Variants in NFASC observed in about 807,000 individuals in gnomAD.
NFASC encodes the protein neurofascin homolog.
Under a neutral mutation model 147.5 loss-of-function variants are expected in NFASC, and 43 were observed. The observed-to-expected ratio is 0.29, with a 90% CI of 0.23 to 0.38. NFASC has a LOEUF of 0.38. Ranked by LOEUF, NFASC falls within the 10% of genes least tolerant of loss-of-function variation. The probability of loss-of-function intolerance (pLI) is 1.00; values close to 1 mark genes in which losing one functional copy is unlikely to be tolerated. For synonymous variants in NFASC, 622 were observed against 665.5 expected (o/e 0.93, Z 1.01); for missense variants, 1,320 against 1,689.0 (o/e 0.78, Z 3.83).
intron 1 of NFASC, among the ~76,000 whole-genome samples, chr1:204,918,253 C>T (rs1200351879): frequency 6.6e-6 from 1 of 152,140 alleles, no homozygotes. Context: ...CTTTGTGGTA[C>T]ATCTATCTAA....
intron 8 of NFASC, among the ~76,000 whole-genome samples, chr1:204,958,241 C>A (rs2094513006): frequency 6.6e-6 from 1 of 152,160 alleles, no homozygotes; most frequent in African/African-American, 2.4e-5. Flanking sequence ...TTGATTATTT[C>A]TTTTATTTCT....
chr1:204,992,369 T>A (rs970997708), intron 24 of NFASC, among the ~76,000 whole-genome samples: 1 of 152,166 alleles, frequency 6.6e-6, no homozygotes, highest in Admixed American at 6.5e-5. Context: ...CCTCCTCGCC[T>A]TTGCTTATTC....
chr1:204,973,184 C>A, intron 11 of NFASC, 92 bp from the exon 12 acceptor site: 1 of 1,419,224 alleles, frequency 7.0e-7, no homozygotes. Context: ...CACAGCACCC[C>A]GCTTGTTCCT....
At chr1:204,906,080 T>C (rs181966250) in intron 1 of NFASC, among the ~76,000 whole-genome samples, 1 of 152,354 alleles carries the variant, frequency 6.6e-6, no homozygotes, top group East Asian at 1.9e-4. Context: ...CTCTTATTAA[T>C]CTGTGAATCT....
intron 3 of NFASC, chr1:204,945,003 A>G (rs1441513517): frequency 6.6e-6 from 1 of 152,176 alleles, no homozygotes; most frequent in East Asian, 1.9e-4. Context: ...ATTGTTTTCA[A>G]CTTTCCTGCA....
intron 25 of NFASC, chr1:204,999,213 G>C (rs940496120): frequency 4.0e-5 from 6 of 151,896 alleles, no homozygotes; most frequent in African/African-American, 1.5e-4. Flanking sequence ...GTGTTTCTCG[G>C]TGTTGATATT....
intron 1 of NFASC, among the ~76,000 whole-genome samples, chr1:204,891,969 GTACC>G (rs1282480737): frequency 6.6e-6 from 1 of 152,174 alleles, no homozygotes; most frequent in Non-Finnish European, 1.5e-5. Flanking sequence ...ATGGAGCCCT[GTACC>G]TAGCCTAGGG....
intron 28 of NFASC, 142 bp downstream of exon 28, chr1:205,009,830 C>T: frequency 5.6e-6 from 5 of 891,814 alleles, no homozygotes; most frequent in Non-Finnish European, 8.5e-6. Flanking sequence ...ATCCTCTTGC[C>T]TGTGCATCTT....
chr1:204,867,678 C>G (rs920394777), intron 1 of NFASC, among the ~76,000 whole-genome samples: 4 of 152,190 alleles, frequency 2.6e-5, no homozygotes. Context: ...CACACACGGC[C>G]AGAACATGCT....
intron 2 of NFASC, among the ~76,000 whole-genome samples, chr1:204,927,316 G>T (rs1282954896): frequency 6.6e-6 from 1 of 152,046 alleles, no homozygotes; most frequent in Non-Finnish European, 1.5e-5. Context: ...TCATATAAAT[G>T]GAATCATACA....
rs2095379101 is a variant in NFASC at position 204,975,490 on chromosome 1, A to G, written c.1706+72A>G. ...TTTCTTTTCCCTTGCTGTTGGTGACACATGGAAGAACACAGGGACAGGGAA... is the reference window on the plus strand; with the variant it reads ...TTTCTTTTCCCTTGCTGTTGGTGACGCATGGAAGAACACAGGGACAGGGAA... On this transcript the variant is annotated intron_variant, in intron 15 of 29. Coordinates refer to ENST00000339876, the MANE Select transcript of NFASC (RefSeq NM_001005388.3). This position sits in a 1 kb window ranked among gnomAD's most constrained non-coding sequence, Gnocchi z 4.0. 1 of 1,544,250 alleles carries G rather than the reference A, an allele frequency of 6.5e-7. No individual in the cohort carries two copies. Among genetic ancestry groups the G allele is most frequent in the Admixed American group, 1.7e-5 (1 of 57,226 alleles).
At chr1:204,957,956 A>C in intron 8 of NFASC, 130 bp downstream of exon 8, 1 of 803,662 alleles carries the variant, frequency 1.2e-6, no homozygotes, top group South Asian at 1.7e-5. Flanking sequence ...CTTCCAGCTC[A>C]TGGTGCCTGA....
rs1172679698 is a variant in NFASC, at chr1:205,016,136, T to C, written c.3492-172T>C. 6.6e-6 allele frequency among the ~76,000 whole-genome samples: 1 copy of C among 152,184 alleles called. No individual in the cohort carries two copies. Among genetic ancestry groups the C allele is most frequent in the Non-Finnish European group, 1.5e-5 (1 of 68,032 alleles). ...CCTTAGAGAAGGTGCTTGTCCTCTC[T>C]AGGCCTCCATTTCCCTTCTGCAAAG... On this transcript the variant is annotated intron_variant, in intron 29 of 29. Coordinates refer to ENST00000339876, the MANE Select transcript of NFASC (RefSeq NM_001005388.3). This position sits in a 1 kb window ranked among gnomAD's most constrained non-coding sequence, Gnocchi z 5.1.
intron 2 of NFASC, among the ~76,000 whole-genome samples, chr1:204,934,532 A>T (rs181390259): frequency 2.1e-4 from 32 of 152,376 alleles, no homozygotes; most frequent in African/African-American, 7.2e-4. Flanking sequence ...GACATGAAGG[A>T]TTGAGTCTTC....
At chr1:204,967,340 G>C (rs1207870554) in intron 8 of NFASC, among the ~76,000 whole-genome samples, 1 of 152,092 alleles carries the variant, frequency 6.6e-6, no homozygotes, top group East Asian at 1.9e-4. Flanking sequence ...AAGAGCTCTG[G>C]GGGAAGAGGT....
Position 204,975,481 on chromosome 1 carries a change from G to C in NFASC, c.1706+63G>C, listed in dbSNP as rs2095378783. 3 of 1,563,326 alleles carry C rather than the reference G, an allele frequency of 1.9e-6. No individual in the cohort carries two copies. Among genetic ancestry groups the C allele is most frequent in the Non-Finnish European group, 2.6e-6 (3 of 1,145,638 alleles). ...GAGGCGCATTTTCTTTTCCCTTGCTGTTGGTGACACATGGAAGAACACAGG... is the reference window on the plus strand; with the variant it reads ...GAGGCGCATTTTCTTTTCCCTTGCTCTTGGTGACACATGGAAGAACACAGG... On this transcript the variant is annotated intron_variant, in intron 15 of 29. Transcript: ENST00000339876. This position sits in a 1 kb window ranked among gnomAD's most constrained non-coding sequence, Gnocchi z 4.0.
chr1:204,849,967 CA>C (rs2075528382), intron 1 of NFASC, among the ~76,000 whole-genome samples: 1 of 152,160 alleles, frequency 6.6e-6, no homozygotes, highest in African/African-American at 2.4e-5. Context: ...GGTACTTAGA[CA>C]AACAGGACGT....
At chr1:204,978,871 C>G in intron 17 of NFASC, 97 bp from the exon 18 acceptor site, 1 of 943,358 alleles carries the variant, frequency 1.1e-6, no homozygotes, top group Non-Finnish European at 1.6e-6. Flanking sequence ...CAGCTGGTAG[C>G]GAAGACAGCC....
At chr1:204,912,433 T>C (rs1029701577) in intron 1 of NFASC, among the ~76,000 whole-genome samples, 2 of 152,170 alleles carry the variant, frequency 1.3e-5, no homozygotes, top group African/African-American at 4.8e-5. Context: ...TTGTGGCTCA[T>C]GCCTGTAATC....
Sources: gnomAD v4.1 joint callset for allele counts (sites outside exome capture counted in the v4.1 genomes callset) on GRCh38, gnomAD v4.1.1 for gene constraint, Gnocchi (gnomAD v3.1) non-coding constraint, MANE v1.5 for transcripts, NCBI Gene and HGNC (gene_info 2026-07-23, HGNC 2026-07-21) for gene names.